Variants in RGS6 observed in about 807,000 individuals in gnomAD.
RGS6 encodes the protein regulator of G protein signaling 6.
In RGS6, 30 loss-of-function variants were observed where a neutral mutation model predicts 78.5. That is an observed-to-expected ratio of 0.38 (90% confidence interval 0.29 to 0.52). The LOEUF (loss-of-function observed/expected upper bound fraction) is 0.52. RGS6 is among the 20% of genes least tolerant of loss of function. RGS6 has a pLI of 0.85. For synonymous variants in RGS6, 206 were observed against 206.0 expected (o/e 1.00, Z 0.00); for missense variants, 495 against 609.7 (o/e 0.81, Z 1.98).
upstream of RGS6, among the ~76,000 whole-genome samples, chr14:71,928,005 G>C (rs1566849814): frequency 6.6e-6 from 1 of 151,924 alleles, no homozygotes; most frequent in East Asian, 1.9e-4. Context: ...ATCTATTTAA[G>C]AAACAGATCC....
At chr14:72,541,338 T>C in intron 17 of RGS6, 1 of 1,347,226 alleles carries the variant, frequency 7.4e-7, no homozygotes, top group Non-Finnish European at 1.0e-6. Context: ...TAAGTGCATT[T>C]AAACATTATC....
chr14:72,571,360 C>T (rs906815167), downstream of RGS6, among the ~76,000 whole-genome samples: 3 of 152,162 alleles, frequency 2.0e-5, no homozygotes, highest in African/African-American at 7.2e-5. Context: ...GACGCCACAC[C>T]CAGCCTTGCT....
At chr14:72,283,245 A>C (rs943290779) in intron 2 of RGS6, among the ~76,000 whole-genome samples, 1 of 152,184 alleles carries the variant, frequency 6.6e-6, no homozygotes, top group African/African-American at 2.4e-5. Context: ...TGGGCGTGCA[A>C]ATATCTCTTC....
At chr14:72,058,039 T>G (rs2093703448) in intron 2 of RGS6, among the ~76,000 whole-genome samples, 1 of 152,112 alleles carries the variant, frequency 6.6e-6, no homozygotes, top group African/African-American at 2.4e-5. Context: ...TATCCTGCTA[T>G]GTGATGCTGG....
intron 2 of RGS6, among the ~76,000 whole-genome samples, chr14:72,116,982 AAAAAAGAG>A (rs2153561061): frequency 1.3e-5 from 2 of 151,164 alleles, no homozygotes; most frequent in East Asian, 3.9e-4. Context: ...AAAAAAAAAA[AAAAAAGAG>A]AGTTTAAAGT....
intron 2 of RGS6, among the ~76,000 whole-genome samples, chr14:72,251,025 C>CT (rs1293388496): frequency 4.6e-5 from 7 of 152,234 alleles, no homozygotes; most frequent in Admixed American, 3.9e-4. Context: ...AAAAAGCACT[C>CT]TCTTTGTAGA....
intron 2 of RGS6, among the ~76,000 whole-genome samples, chr14:71,979,104 G>A (rs1383032108): frequency 1.3e-5 from 2 of 150,276 alleles, no homozygotes; most frequent in African/African-American, 4.9e-5. Context: ...GGGATCGGTG[G>A]TGATATCCCC....
At chr14:72,254,202 T>C (rs1291365758) in intron 2 of RGS6, among the ~76,000 whole-genome samples, 4 of 152,242 alleles carry the variant, frequency 2.6e-5, no homozygotes, top group Non-Finnish European at 5.9e-5. Context: ...GGCTAAAATC[T>C]GTTAATAGTT....
chr14:72,379,543 A>G (rs905863992), intron 3 of RGS6, among the ~76,000 whole-genome samples: 1 of 152,094 alleles, frequency 6.6e-6, no homozygotes, highest in Non-Finnish European at 1.5e-5. Context: ...ACAATGAACT[A>G]ATGAAAAAGA....
intron 3 of RGS6, among the ~76,000 whole-genome samples, chr14:72,371,147 T>C (rs1316815277): frequency 6.6e-6 from 1 of 152,226 alleles, no homozygotes; most frequent in Admixed American, 6.5e-5. Flanking sequence ...GTAACTTCAC[T>C]GTAACATGTT....
chr14:72,628,859 T>C, the RGS6 span, among the ~76,000 whole-genome samples: 2,673 of 152,250 alleles, frequency 0.018, 89 homozygotes, highest in African/African-American at 0.061. Context: ...CAACAAAGAA[T>C]TTAAGGGAGG....
intron 2 of RGS6, among the ~76,000 whole-genome samples, chr14:72,035,372 C>CCT (rs59825429): frequency 0.96 from 145,981 of 151,952 alleles, 70,180 homozygotes; most frequent in African/African-American, 0.99. Context: ...TTATTTGAAT[C>CCT]CTCTATATTT....
chr14:72,180,887 G>C (rs550713474), intron 2 of RGS6, among the ~76,000 whole-genome samples: 4 of 152,320 alleles, frequency 2.6e-5, no homozygotes, highest in Admixed American at 6.5e-5. Flanking sequence ...CCAGATGCCT[G>C]TGCCATGCTC....
chr14:72,333,033 G>C (rs1189678804), intron 2 of RGS6, among the ~76,000 whole-genome samples: 1 of 152,136 alleles, frequency 6.6e-6, no homozygotes, highest in African/African-American at 2.4e-5. Flanking sequence ...TCATGGTATG[G>C]AGAACACAGC....
intron 17 of RGS6, among the ~76,000 whole-genome samples, chr14:72,546,484 C>A (rs1283310377): frequency 6.6e-6 from 1 of 152,136 alleles, no homozygotes; most frequent in Non-Finnish European, 1.5e-5. Context: ...CTGACGTTTC[C>A]GTTGGAAGGA....
At chr14:72,576,135 A>G in the RGS6 span, among the ~76,000 whole-genome samples, 14 of 152,356 alleles carry the variant, frequency 9.2e-5, no homozygotes, top group African/African-American at 2.9e-4. Context: ...ACAATTGAGG[A>G]AAGCTCTCTT....
intron 2 of RGS6, among the ~76,000 whole-genome samples, chr14:72,158,722 GAAATACTGGATGAATTCATTTACC>G (rs1215462989): frequency 2.0e-5 from 3 of 152,318 alleles, no homozygotes; most frequent in African/African-American, 7.2e-5. Context: ...TAGAGCCAGT[GAAATACTGGATGAATTCATTTACC>G]AAACTACGTA....
chr14:71,882,239 C>T, the RGS6 span, among the ~76,000 whole-genome samples: 1 of 152,162 alleles, frequency 6.6e-6, no homozygotes, highest in East Asian at 1.9e-4. Context: ...AGCACAATGT[C>T]CTAAAGTTTT....
chr14:72,129,752 C>A (rs1598086149), intron 2 of RGS6, among the ~76,000 whole-genome samples: 6 of 152,282 alleles, frequency 3.9e-5, no homozygotes, highest in Admixed American at 3.9e-4. Context: ...AGCTTCCAGG[C>A]CTCCCAAAGG....
Sources: allele counts gnomAD v4.1 joint callset (sites outside exome capture counted in the v4.1 genomes callset), GRCh38; gene constraint gnomAD v4.1.1; transcripts MANE v1.5; gene names NCBI Gene and HGNC (gene_info 2026-07-23, HGNC 2026-07-21).